HEMGN: variants seen among roughly 807,000 people sequenced by gnomAD.
HEMGN encodes erythroid differentiation-associated gene protein.
Under a neutral mutation model 45.7 loss-of-function variants are expected in HEMGN, and 32 were observed. That is an observed-to-expected ratio of 0.70 (90% confidence interval 0.53 to 0.94). HEMGN has a LOEUF of 0.94. Ranked by LOEUF, HEMGN falls within the 40% of genes least tolerant of loss-of-function variation. The pLI is 0.00. For synonymous variants in HEMGN, 183 were observed against 178.6 expected (o/e 1.02, Z -0.20); for missense variants, 530 against 564.2 (o/e 0.94, Z 0.61).
intron 3 of HEMGN, among the ~76,000 whole-genome samples, chr9:97,929,109 T>C (rs1205071480): frequency 6.6e-6 from 1 of 152,232 alleles, no homozygotes; most frequent in Admixed American, 6.5e-5. Flanking sequence ...TAATTGACCA[T>C]ATCGACCTTG....
In HEMGN at chr9:97,930,572, C is replaced by T; in HGVS notation, c.823G>A (p.Asp275Asn). 1 of 1,614,066 alleles carries T rather than the reference C, an allele frequency of 6.2e-7. No individual in the cohort carries two copies. Among genetic ancestry groups the T allele is most frequent in the Non-Finnish European group, 8.5e-7 (1 of 1,180,014 alleles). The change falls in exon 3 of 4, where the codon GAC (aspartate) becomes AAC (asparagine). Residue 275 changes from aspartate to asparagine, a missense_variant. Physicochemically the swap from Asp to Asn is conservative, Grantham distance 23. Transcript: ENST00000616898. ...DVPKGYILDT[D>N]QNPAEPEEYN... is the part of the protein sequence containing the mutation. Reference sequence around the variant, plus strand: ...TCCTCTGGTTCTGCTGGATTTTGGTCTGTGTCAAGAATATAGCCTTTAGGC... The same window carrying T: ...TCCTCTGGTTCTGCTGGATTTTGGTTTGTGTCAAGAATATAGCCTTTAGGC...
chr9:97,936,320 A>C lies in HEMGN; in HGVS notation c.80-56T>G, dbSNP rs188059572. 361 of 1,203,764 alleles carry C rather than the reference A, an allele frequency of 3.0e-4. No homozygotes were observed. In the African/African-American group the frequency reaches 4.9e-3, roughly 16 times the overall value. 74.6% of individuals were successfully genotyped at this position (1,203,764 alleles called of 1,614,324 possible). On this transcript the variant is annotated intron_variant, in intron 1 of 3. Coordinates refer to ENST00000616898, the MANE Select transcript of HEMGN (RefSeq NM_197978.3). ...TGATGAACTGTGGTGTCTATCAGCA[A>C]AAGTCCTGTAGCCAAGTGGCAGAGT...
intron 2 of HEMGN, among the ~76,000 whole-genome samples, chr9:97,932,961 CAT>C (rs1242250632): frequency 1.3e-5 from 2 of 152,104 alleles, no homozygotes; most frequent in African/African-American, 2.4e-5. Flanking sequence ...TTAGGAAACA[CAT>C]ATTTTTTCCT....
chr9:97,939,557 A>G (rs182162218), upstream of HEMGN, among the ~76,000 whole-genome samples: 36 of 152,316 alleles, frequency 2.4e-4, 1 homozygote, highest in East Asian at 5.8e-3. Flanking sequence ...CTGAGAACCG[A>G]GGAGGAGAGT....
chr9:97,931,678 C>T (rs1424858481), intron 2 of HEMGN, among the ~76,000 whole-genome samples: 1 of 152,132 alleles, frequency 6.6e-6, no homozygotes, highest in Non-Finnish European at 1.5e-5. Context: ...TGGCACAGCT[C>T]CTCGTCTGTG....
At position 97,938,117 on chromosome 9, in the gene HEMGN, T is replaced by C; in HGVS notation, c.20A>G (p.Gln7Arg). 1 of 1,613,032 alleles carries C rather than the reference T, an allele frequency of 6.2e-7. No individual in the cohort carries two copies. Among genetic ancestry groups the C allele is most frequent in the Non-Finnish European group, 8.5e-7 (1 of 1,179,172 alleles). Reference sequence around the variant, plus strand: ...TGTCTGATGGTGCTTCAAATGAGATTGGTCCTTTCCCAAATCCATCTTGCT... The same window carrying C: ...TGTCTGATGGTGCTTCAAATGAGATCGGTCCTTTCCCAAATCCATCTTGCT... Reference protein sequence around the residue: MDLGKDQSHLKHHQTPD... With the variant: MDLGKDRSHLKHHQTPD... Residue 7 changes from glutamine (Q) to arginine (R), a missense_variant, in exon 1 of 4, where the codon CAA (glutamine) becomes CGA (arginine). Transcript: ENST00000616898.
Position 97,927,482 on chromosome 9 carries a change from T to TA in HEMGN, c.1361-5dup, listed in dbSNP as rs1826850046. On this transcript the variant is annotated splice_region_variant and splice_polypyrimidine_tract_variant and intron_variant, in intron 3 of 3. Transcript: ENST00000616898. The stretch of plus-strand genomic sequence containing the variant: ...TCTTTGGGTTTTTCTTTCATTTCTG[T>TA]AAAATCAAATAAAATAAAAAATAGA... 1 of 1,524,068 alleles carries TA rather than the reference T, an allele frequency of 6.6e-7. No homozygotes were observed. The highest frequency in any genetic ancestry group is 1.4e-5 in the African/African-American group (1 of 73,018). 94.4% of individuals were successfully genotyped at this position (1,524,068 alleles called of 1,614,324 possible).
rs765383909 is a variant in HEMGN, at chr9:97,930,954, A to G, written c.441T>C (p.Phe147=). 4 of 1,614,194 alleles carry G rather than the reference A, an allele frequency of 2.5e-6. No individual in the cohort carries two copies. In the South Asian group the frequency reaches 4.4e-5, roughly 18 times the overall value. ...GTACTGCTATTTCTTGGTACTCAGA[A>G]AAATTCTCCTGATATATGTTACTTT... ...CQESNIYQEN[F]SEYQEIAVQN... Residue 147 remains phenylalanine (F), a synonymous_variant, in exon 3 of 4, where the codon TTT becomes TTC. Transcript: ENST00000616898.
upstream of HEMGN, among the ~76,000 whole-genome samples, chr9:97,941,339 A>G (rs1827149553): frequency 6.6e-6 from 1 of 152,166 alleles, no homozygotes; most frequent in African/African-American, 2.4e-5. Context: ...ATCAGAGAAG[A>G]AGCCTATTAT....
upstream of HEMGN, among the ~76,000 whole-genome samples, chr9:97,939,050 T>A (rs1330682414): frequency 1.3e-5 from 2 of 152,142 alleles, no homozygotes; most frequent in Non-Finnish European, 2.9e-5. Flanking sequence ...ATGGTTCAAC[T>A]AAAGAAGAAA....
intron 2 of HEMGN, among the ~76,000 whole-genome samples, chr9:97,932,739 G>T (rs545756009): frequency 2.0e-5 from 3 of 151,048 alleles, no homozygotes; most frequent in South Asian, 4.2e-4. Context: ...AGGAGATGGA[G>T]GTTGCAGTGA....
In HEMGN at chr9:97,927,186, C is replaced by G. The variant is rs945459882; in HGVS notation, c.*198G>C. ...ACATACATACACACACACACACACA[C>G]ACACACACACACATTCTAGCATGAT... On this transcript the variant is annotated 3_prime_UTR_variant, in exon 4 of 4. Coordinates refer to ENST00000616898, the MANE Select transcript of HEMGN (RefSeq NM_197978.3). The G allele has an allele frequency of 2.2e-6, 1 of 444,846 alleles. No individual in the cohort carries two copies. The allele number at this position is 444,846 out of a possible 1,614,324, so 27.6% of individuals were successfully genotyped here. A position where few individuals can be genotyped will look rare whatever the true frequency, so the allele number is the denominator to read the frequency against.
intron 2 of HEMGN, among the ~76,000 whole-genome samples, chr9:97,933,140 C>T (rs2131554346): frequency 6.6e-6 from 1 of 152,264 alleles, no homozygotes; most frequent in Middle Eastern, 3.4e-3. Flanking sequence ...GTCACTTAAC[C>T]TCTACATGCC....
chr9:97,927,472 T>C lies in HEMGN; in HGVS notation c.1367A>G (p.Lys456Arg). 5 of 1,590,620 alleles carry C rather than the reference T, an allele frequency of 3.1e-6. No individual in the cohort carries two copies. The highest frequency in any genetic ancestry group is 4.3e-6 in the Non-Finnish European group (5 of 1,160,446). Residue 456 changes from lysine to arginine, a missense_variant, in exon 4 of 4, where the codon AAA becomes AGA. Transcript: ENST00000616898. ...TCCTGGCTCTTCTTTGGGTTTTTCT[T>C]TCATTTCTGTAAAATCAAATAAAAT... is the stretch of plus-strand genomic sequence containing the variant. ...KDAYTFPQEM[K>R]EKPKEEPGIP...
At chr9:97,932,286 C>T (rs985163910) in intron 2 of HEMGN, among the ~76,000 whole-genome samples, 4 of 152,144 alleles carry the variant, frequency 2.6e-5, no homozygotes, top group Non-Finnish European at 5.9e-5. Context: ...TAGTGCCCAT[C>T]GTTCCTTGCA....
chr9:97,944,761 C>T (rs1223092664), intron 1 of HEMGN: 1 of 152,130 alleles, frequency 6.6e-6, no homozygotes, highest in Non-Finnish European at 1.5e-5. Context: ...TAAATAGTAC[C>T]ACTTGCCTTC....
At chr9:97,927,774 C>T (rs1358029592) in intron 3 of HEMGN, among the ~76,000 whole-genome samples, 1 of 151,752 alleles carries the variant, frequency 6.6e-6, no homozygotes, top group East Asian at 1.9e-4. Flanking sequence ...AAATCAAAGA[C>T]AACTGGAAAA....
intron 2 of HEMGN, among the ~76,000 whole-genome samples, chr9:97,931,778 G>A (rs1466982562): frequency 6.6e-6 from 1 of 152,292 alleles, no homozygotes; most frequent in East Asian, 1.9e-4. Flanking sequence ...TATATCAAAT[G>A]AGGTATACTG....
chr9:97,934,153 C>A (rs986169971), intron 2 of HEMGN, among the ~76,000 whole-genome samples: 2 of 152,070 alleles, frequency 1.3e-5, no homozygotes, highest in African/African-American at 4.8e-5. Flanking sequence ...TCCAGACCAG[C>A]CTGGCCATCA....
Sources: gnomAD v4.1 joint callset for allele counts (sites outside exome capture counted in the v4.1 genomes callset) on GRCh38, gnomAD v4.1.1 for gene constraint, MANE v1.5 for transcripts, NCBI Gene and HGNC (gene_info 2026-07-23, HGNC 2026-07-21) for gene names.